The following RNF157 variants were observed in gnomAD, a reference collection of about 807,000 sequenced individuals.
RNF157 encodes the protein ring finger protein 157, also known as E3 ubiquitin ligase RNF157.
RNF157 carries 55 observed loss-of-function variants against 88.3 expected under a neutral mutation model. The ratio of observed to expected loss-of-function variants is 0.62; its 90% CI spans 0.50 to 0.78. The LOEUF (loss-of-function observed/expected upper bound fraction) is 0.78, where lower values mean the gene tolerates loss of function less well. Ranked by LOEUF, RNF157 falls within the 30% of genes least tolerant of loss-of-function variation. The pLI is 0.00. For missense variants in RNF157, 788 were observed against 860.8 expected, an observed-to-expected ratio of 0.92 and a Z score of 1.06; for synonymous variants, 334 against 341.2, an observed-to-expected ratio of 0.98 and a Z score of 0.23.
intron 2 of RNF157, among the ~76,000 whole-genome samples, chr17:76,178,198 G>A (rs535925003): frequency 2.0e-5 from 3 of 152,352 alleles, no homozygotes; most frequent in East Asian, 1.9e-4. Context: ...GCCCGTCGGG[G>A]AGCCCAGACC....
At chr17:76,185,647 T>C (rs1281055942) in intron 2 of RNF157, among the ~76,000 whole-genome samples, 1 of 151,814 alleles carries the variant, frequency 6.6e-6, no homozygotes, top group East Asian at 1.9e-4. Context: ...TTTTTTGTAT[T>C]TTCAGTAGAG....
chr17:76,164,759 G>C lies in RNF157; in HGVS notation c.709C>G (p.Gln237Glu), dbSNP rs762321215. 1.9e-6 allele frequency: 3 copies of C among 1,609,488 alleles called. No individual in the cohort carries two copies. In the South Asian group the frequency reaches 3.3e-5, roughly 18 times the overall value. ...CTTCAAATACTTACTACTTGTTTCT[G>C]TTTGAGGGGCTTGACACAGAAAGTT... is the stretch of plus-strand genomic sequence containing the variant. ...DGTFCVKPLKQKQVVDGVSYL... is the reference protein window; with the variant it reads ...DGTFCVKPLKEKQVVDGVSYL... The change falls in exon 8 of 19, where the codon CAG becomes GAG. Residue 237 changes from glutamine to glutamate, a missense_variant. Gln to Glu is a conservative substitution (Grantham distance 29, BLOSUM62 2). Transcript: ENST00000269391.
chr17:76,184,227 T>C (rs2069245013), intron 2 of RNF157, among the ~76,000 whole-genome samples: 1 of 150,826 alleles, frequency 6.6e-6, no homozygotes, highest in Non-Finnish European at 1.5e-5. Flanking sequence ...ACATTTTGTA[T>C]ATTGGGCAGA....
chr17:76,162,607 T>C lies in RNF157; in HGVS notation c.737A>G (p.Tyr246Cys), dbSNP rs775600925. 8.7e-6 allele frequency: 14 copies of C among 1,612,176 alleles called. No individual in the cohort carries two copies. The highest frequency in any genetic ancestry group is 2.2e-5 in the East Asian group (1 of 44,716). Residue 246 changes from tyrosine (Y) to cysteine (C), a missense_variant, in exon 9 of 19, where the codon TAC (tyrosine) becomes TGC (cysteine). Transcript: ENST00000269391. ...KQKQVVDGVS[Y>C]LLQEIYGIEN... ...AATTCCATAGATCTCCTGAAGGAGG[T>C]AGCTGACCCCGTCTACCTGAACAGC... is the stretch of plus-strand genomic sequence containing the variant.
chr17:76,183,455 T>G (rs985271787), intron 2 of RNF157, among the ~76,000 whole-genome samples: 31 of 152,154 alleles, frequency 2.0e-4, no homozygotes, highest in African/African-American at 7.0e-4. Flanking sequence ...ATAAAGTTTT[T>G]TTTTGTTTTG....
At position 76,160,375 on chromosome 17, in the gene RNF157, T is replaced by G. The variant is rs748527370; in HGVS notation, c.1066-802A>C. On this transcript the variant is annotated intron_variant, in intron 11 of 18. Coordinates refer to ENST00000269391, the MANE Select transcript of RNF157 (RefSeq NM_052916.3). The surrounding 1 kb of genome is among the most constrained non-coding windows in gnomAD (Gnocchi z 4.3). ...TGATATATACTGCTGTTTTCTGCTG[T>G]TTTTTTTTTCAGTGCCTTTTCTAGT... is the stretch of plus-strand genomic sequence containing the variant. Among the ~76,000 whole-genome samples the G allele has an allele frequency of 2.6e-5, 2 of 77,694 alleles. No homozygotes were observed. The highest frequency in any genetic ancestry group is 4.9e-5 in the Non-Finnish European group (2 of 40,798). 51.0% of individuals were successfully genotyped at this position (77,694 alleles called of 152,430 possible).
intron 1 of RNF157, among the ~76,000 whole-genome samples, chr17:76,233,485 T>C (rs1352115506): frequency 1.3e-5 from 2 of 152,184 alleles, no homozygotes; most frequent in Non-Finnish European, 1.5e-5. Flanking sequence ...AACATTTTTC[T>C]CCTATGTCTT....
chr17:76,186,705 C>T lies in RNF157; in HGVS notation c.208-12915G>A, dbSNP rs183881953. ...CTGTAATCCCAGCACTTTGGGAGGC[C>T]GAGGCGGGCAGATAACCTGAGGTCA... is the stretch of plus-strand genomic sequence containing the variant. On this transcript the variant is annotated intron_variant, in intron 2 of 18. Transcript: ENST00000269391. 4.2e-4 allele frequency among the ~76,000 whole-genome samples: 64 copies of T among 150,624 alleles called. No homozygotes were observed. In the East Asian group the frequency reaches 0.012, roughly 28 times the overall value.
rs1338928806 is a variant in RNF157 at position 76,156,235 on chromosome 17, C to T, written c.1500G>A (p.Leu500=). The T allele has an allele frequency of 1.2e-6, 2 of 1,614,048 alleles. No homozygotes were observed. Among genetic ancestry groups the T allele is most frequent in the Non-Finnish European group, 1.7e-6 (2 of 1,179,954 alleles). Residue 500 remains leucine, a synonymous_variant, in exon 14 of 19, where the codon CTG becomes CTA. Coordinates refer to ENST00000269391, the MANE Select transcript of RNF157 (RefSeq NM_052916.3). ...CTTCTGGGGAGGAAATAGTGGATGA[C>T]AGAGGCGTCCCTGTGCAAGACGACT... The part of the protein sequence containing the change: ...IDQSSCTGTP[L]SSTISSPEGP...
At chr17:76,206,843 T>C (rs1042021176) in intron 2 of RNF157, among the ~76,000 whole-genome samples, 3 of 152,152 alleles carry the variant, frequency 2.0e-5, no homozygotes, top group Non-Finnish European at 4.4e-5. Flanking sequence ...AATAACCAAC[T>C]GGAAAGGTAG....
chr17:76,212,340 G>A (rs377309826), intron 2 of RNF157, 24 bp downstream of exon 2: 11 of 1,481,214 alleles, frequency 7.4e-6, no homozygotes, highest in Middle Eastern at 1.7e-4. Flanking sequence ...GCTCCAAGTA[G>A]GAGTAAACTG....
intron 1 of RNF157, among the ~76,000 whole-genome samples, chr17:76,234,569 G>A (rs1363363283): frequency 1.3e-5 from 2 of 152,154 alleles, no homozygotes; most frequent in African/African-American, 4.8e-5. Flanking sequence ...ATCCTAGTGG[G>A]TGTGAAGTGG....
Position 76,195,427 on chromosome 17 carries a change from C to T in RNF157, c.207+16937G>A, listed in dbSNP as rs2069462446. ...TAGGTGCTGGACATTCTAAACACTG[C>T]TAGTGGGAAAAAAAAATTGGTAGAA... On this transcript the variant is annotated intron_variant, in intron 2 of 18. Coordinates refer to ENST00000269391, the MANE Select transcript of RNF157 (RefSeq NM_052916.3). This position sits in a 1 kb window ranked among gnomAD's most constrained non-coding sequence, Gnocchi z 4.4. Among the ~76,000 whole-genome samples the T allele has an allele frequency of 6.6e-6, 1 of 151,910 alleles. No homozygotes were observed. The highest frequency in any genetic ancestry group is 2.1e-4 in the South Asian group (1 of 4,824).
intron 14 of RNF157, 56 bp downstream of exon 14, chr17:76,156,154 C>T: frequency 7.4e-7 from 1 of 1,345,532 alleles, no homozygotes. Context: ...AGCACCAGGA[C>T]ACTGTGGGCT....
intron 2 of RNF157, among the ~76,000 whole-genome samples, chr17:76,188,260 A>C (rs1189254024): frequency 2.0e-5 from 3 of 152,030 alleles, no homozygotes; most frequent in Non-Finnish European, 4.4e-5. Context: ...ACGGCCTCCT[A>C]CCTGGGATCA....
In RNF157 at chr17:76,165,507, C is replaced by T. The variant is rs2068908949; in HGVS notation, c.667G>A (p.Glu223Lys). Residue 223 changes from glutamate to lysine, a missense_variant, in exon 7 of 19, where the codon GAG becomes AAG. Glu to Lys is a moderately conservative substitution (Grantham distance 56, BLOSUM62 1). Coordinates refer to ENST00000269391, the MANE Select transcript of RNF157 (RefSeq NM_052916.3). Reference protein sequence around the residue: ...GHCHVLLGTFEKHTDGTFCVK... With the variant: ...GHCHVLLGTFKKHTDGTFCVK... ...GGCCCTCTAAAGTCACTCACCTTCTCAAAAGTACCCAGCAGTACATGGCAA... is the reference window on the plus strand; with the variant it reads ...GGCCCTCTAAAGTCACTCACCTTCTTAAAAGTACCCAGCAGTACATGGCAA... 6.2e-7 allele frequency: 1 copy of T among 1,614,108 alleles called. No individual in the cohort carries two copies. Among genetic ancestry groups the T allele is most frequent in the East Asian group, 2.2e-5 (1 of 44,876 alleles).
intron 2 of RNF157, among the ~76,000 whole-genome samples, chr17:76,183,263 C>T (rs1032880998): frequency 1.3e-5 from 2 of 150,982 alleles, no homozygotes; most frequent in Non-Finnish European, 3.0e-5. Flanking sequence ...TTGAAAACTG[C>T]AGATCCCAGG....
chr17:76,168,924 G>A (rs1483782985), intron 3 of RNF157, among the ~76,000 whole-genome samples: 9 of 152,098 alleles, frequency 5.9e-5, no homozygotes, highest in South Asian at 2.1e-4. Context: ...ACCTCCCAGC[G>A]TTGCTCCCAA....
At chr17:76,151,131 C>T (rs1568020910) in intron 18 of RNF157, among the ~76,000 whole-genome samples, 1 of 152,248 alleles carries the variant, frequency 6.6e-6, no homozygotes, top group Non-Finnish European at 1.5e-5. Context: ...GCTCCCTCCT[C>T]CACGCTCAGG....
Sources: gnomAD v4.1 joint callset for allele counts (sites outside exome capture counted in the v4.1 genomes callset) on GRCh38, gnomAD v4.1.1 for gene constraint, Gnocchi (gnomAD v3.1) non-coding constraint, MANE v1.5 for transcripts, NCBI Gene and HGNC (gene_info 2026-07-23, HGNC 2026-07-21) for gene names.